UAP1: variants seen among roughly 807,000 people sequenced by gnomAD.
UAP1 encodes the protein UDP-N-acetylglucosamine pyrophosphorylase 1.
UAP1 carries 25 observed loss-of-function variants against 58.5 expected under a neutral mutation model. The ratio of observed to expected loss-of-function variants is 0.43; its 90% CI spans 0.31 to 0.60. The LOEUF (loss-of-function observed/expected upper bound fraction) is 0.60. UAP1 is among the 20% of genes least tolerant of loss of function. UAP1 has a pLI of 0.11. For synonymous variants in UAP1, 208 were observed against 213.0 expected (o/e 0.98, Z 0.21); for missense variants, 575 against 630.0 (o/e 0.91, Z 0.93).
At chr1:162,575,155 G>A (rs1185139670) in intron 2 of UAP1, among the ~76,000 whole-genome samples, 1 of 151,976 alleles carries the variant, frequency 6.6e-6, no homozygotes, top group Admixed American at 6.6e-5. Context: ...TGCAGCCTCC[G>A]TCTCCCAGGT....
intron 2 of UAP1, among the ~76,000 whole-genome samples, chr1:162,571,361 C>T (rs1230212409): frequency 2.0e-5 from 3 of 152,024 alleles, no homozygotes; most frequent in Non-Finnish European, 4.4e-5. Flanking sequence ...AACTCCTGAC[C>T]TCAAGTGATT....
exon 1 of UAP1, chr1:162,561,544 G>A (rs1156677391): frequency 6.6e-6 from 1 of 152,032 alleles, no homozygotes; most frequent in Non-Finnish European, 1.5e-5. Flanking sequence ...TGTGCTCCCG[G>A]CGCTGACGTG....
chr1:162,569,904 CT>C, intron 2 of UAP1, among the ~76,000 whole-genome samples: 1 of 152,106 alleles, frequency 6.6e-6, no homozygotes, highest in Non-Finnish European at 1.5e-5. Flanking sequence ...AATCCCAGCA[CT>C]TTGGGAGGCC....
intron 2 of UAP1, among the ~76,000 whole-genome samples, chr1:162,573,965 A>G (rs1432425285): frequency 6.7e-6 from 1 of 150,366 alleles, no homozygotes; most frequent in Non-Finnish European, 1.5e-5. Flanking sequence ...CTCTGTCTCA[A>G]AAAAAAAAAG....
At chr1:162,590,285 T>A in intron 7 of UAP1, 38 bp from the exon 8 acceptor site, 1 of 1,550,800 alleles carries the variant, frequency 6.4e-7, no homozygotes, top group Non-Finnish European at 8.8e-7. Context: ...GTGTATGCAG[T>A]TTCATAATAA....
At chr1:162,600,025 T>C (rs1655842218), downstream of UAP1, among the ~76,000 whole-genome samples, 1 of 152,178 alleles carries the variant, frequency 6.6e-6, no homozygotes, top group Admixed American at 6.5e-5. Flanking sequence ...CACCCAAAGA[T>C]TATTTTGTCC....
chr1:162,596,891 C>G (rs546988430), intron 9 of UAP1, among the ~76,000 whole-genome samples: 1 of 152,322 alleles, frequency 6.6e-6, no homozygotes, highest in East Asian at 1.9e-4. Context: ...TGACTGCAAA[C>G]TCATTGACTA....
intron 9 of UAP1, among the ~76,000 whole-genome samples, chr1:162,595,318 C>G (rs925287324): frequency 5.9e-5 from 9 of 152,170 alleles, no homozygotes; most frequent in African/African-American, 2.2e-4. Context: ...GGGTTCACAA[C>G]CACCTTCTGT....
intron 5 of UAP1, among the ~76,000 whole-genome samples, chr1:162,582,313 G>A (rs1654639598): frequency 6.6e-6 from 1 of 152,192 alleles, no homozygotes. Context: ...GGAAAATGTT[G>A]AAAAAGGATG....
downstream of UAP1, chr1:162,599,918 A>T (rs1235411170): frequency 6.6e-6 from 1 of 152,260 alleles, no homozygotes. Context: ...CATAAAAACA[A>T]ATTGATGCTT....
At chr1:162,566,303 A>G in exon 2 of UAP1, 1 of 1,614,200 alleles carries the variant, frequency 6.2e-7, no homozygotes, top group South Asian at 1.1e-5. Flanking sequence ...GGTATTAGGC[A>G]GTGCTACAAG....
chr1:162,598,027 A>AC (rs1247345612), intron 10 of UAP1, among the ~76,000 whole-genome samples, 169 bp downstream of exon 10: 1 of 152,212 alleles, frequency 6.6e-6, no homozygotes, highest in Non-Finnish European at 1.5e-5. Context: ...ATATGCATTG[A>AC]ATCATCACAT....
chr1:162,589,414 A>T (rs561911200), intron 7 of UAP1, among the ~76,000 whole-genome samples: 141 of 149,084 alleles, frequency 9.5e-4, no homozygotes, highest in Non-Finnish European at 1.6e-3. Flanking sequence ...CGGCCGCCCA[A>T]AGTGCTGGGA....
At chr1:162,567,822 A>C (rs1653608075) in intron 2 of UAP1, among the ~76,000 whole-genome samples, 1 of 152,112 alleles carries the variant, frequency 6.6e-6, no homozygotes, top group South Asian at 2.1e-4. Context: ...TTTTTGAGAC[A>C]GCCTCGCTTT....
chr1:162,599,315 A>C (rs748409007), exon 11 of UAP1: 1 of 1,612,578 alleles, frequency 6.2e-7, no homozygotes, highest in Admixed American at 1.7e-5. Context: ...ATGCACCTCT[A>C]ATCATCGATG....
downstream of UAP1, among the ~76,000 whole-genome samples, chr1:162,600,417 A>G (rs1336009217): frequency 1.3e-5 from 2 of 152,180 alleles, no homozygotes; most frequent in East Asian, 1.9e-4. Flanking sequence ...ATCATTGGTC[A>G]TTAGTAAGGG....
At chr1:162,590,171 T>G in intron 7 of UAP1, 152 bp from the exon 8 acceptor site, 1 of 529,354 alleles carries the variant, frequency 1.9e-6, no homozygotes, top group Non-Finnish European at 3.1e-6. Context: ...AATTTCAGCT[T>G]TCTTTAGTCC....
chr1:162,599,178 G>T, intron 10 of UAP1, 93 bp from the exon 11 acceptor site: 8 of 681,136 alleles, frequency 1.2e-5, no homozygotes, highest in Non-Finnish European at 1.7e-5. Flanking sequence ...ACCTTTTTTG[G>T]CATTTGTGCT....
chr1:162,579,531 G>A lies in UAP1; in HGVS notation c.589G>A (p.Gly197Arg), dbSNP rs748324535. ...AGAGAATGTAATCTTTTTTCAGCAA[G>A]GAATGCTCCCCGCCATGAGTTTTGA... is the stretch of plus-strand genomic sequence containing the variant. The change falls in exon 4 of 11, where the codon GGA becomes AGA. Residue 197 changes from glycine (G) to arginine (R), a missense_variant. Gly to Arg is a moderately radical substitution (Grantham distance 125, BLOSUM62 -2). Coordinates refer to ENST00000271469, the Ensembl canonical transcript of UAP1. The A allele has an allele frequency of 3.7e-6, 6 of 1,610,970 alleles. No individual in the cohort carries two copies. The highest frequency in any genetic ancestry group is 5.1e-6 in the Non-Finnish European group (6 of 1,178,756).
Sources: gnomAD v4.1 joint callset for allele counts (sites outside exome capture counted in the v4.1 genomes callset) on GRCh38, gnomAD v4.1.1 for gene constraint, MANE v1.5 for transcripts, NCBI Gene and HGNC (gene_info 2026-07-23, HGNC 2026-07-21) for gene names.